Variants in CDK14 observed in about 807,000 individuals in gnomAD.
The protein encoded by CDK14 is cyclin dependent kinase 14.
A neutral mutation model predicts 60.7 loss-of-function variants in CDK14; 34 were observed. The observed-to-expected ratio is 0.56, with a 90% CI of 0.43 to 0.75. The LOEUF is 0.75. CDK14 is among the 30% of genes least tolerant of loss of function. CDK14 has a pLI of 0.00. For missense variants in CDK14, 482 were observed against 564.1 expected (o/e 0.85, Z 1.47); for synonymous variants, 197 against 203.7 (o/e 0.97, Z 0.28).
chr7:91,006,787 C>G (rs886254244), intron 10 of CDK14, among the ~76,000 whole-genome samples: 3 of 152,168 alleles, frequency 2.0e-5, no homozygotes, highest in Admixed American at 6.5e-5. Context: ...CAAAATGATA[C>G]AAACATCGTT....
intron 13 of CDK14, among the ~76,000 whole-genome samples, chr7:91,115,446 C>T (rs1232639067): frequency 6.6e-6 from 1 of 152,096 alleles, no homozygotes; most frequent in African/African-American, 2.4e-5. Context: ...GTTCATCTAA[C>T]CCTAATTACC....
At chr7:90,859,231 T>A (rs1416768285) in intron 5 of CDK14, among the ~76,000 whole-genome samples, 2 of 152,232 alleles carry the variant, frequency 1.3e-5, no homozygotes, top group African/African-American at 4.8e-5. Flanking sequence ...GACTGCCTTC[T>A]TTTGACCAAT....
chr7:90,895,130 A>C (rs1258876993), intron 6 of CDK14, among the ~76,000 whole-genome samples: 1 of 152,132 alleles, frequency 6.6e-6, no homozygotes, highest in Non-Finnish European at 1.5e-5. Context: ...ATTTTTTATT[A>C]AAACAGTCTG....
intron 14 of CDK14, among the ~76,000 whole-genome samples, chr7:91,128,180 T>C (rs1800009667): frequency 6.6e-6 from 1 of 152,192 alleles, no homozygotes; most frequent in South Asian, 2.1e-4. Context: ...ATTGAGACAT[T>C]TTATGAGGCA....
At position 90,638,942 on chromosome 7, in the gene CDK14, A is replaced by G. The variant is rs1322285579; in HGVS notation, c.123+34693A>G. ...TCGCATCGGCTCCTGAGGCTTCTGC[A>G]TTCTTCACGTAGTTCTCGAGCCTTG... On this transcript the variant is annotated intron_variant, in intron 2 of 14. Transcript: ENST00000380050. Among the ~76,000 whole-genome samples, 3 of 151,934 alleles carry G rather than the reference A, an allele frequency of 2.0e-5. No homozygotes were observed. In the South Asian group the frequency reaches 6.2e-4, roughly 32 times the overall value.
chr7:90,879,945 C>G (rs1791690846), intron 6 of CDK14, among the ~76,000 whole-genome samples: 1 of 152,144 alleles, frequency 6.6e-6, no homozygotes. Context: ...GTGCTTTTTC[C>G]ACAGAACTGT....
chr7:90,897,821 C>T (rs1231056439), intron 6 of CDK14, among the ~76,000 whole-genome samples: 1 of 152,006 alleles, frequency 6.6e-6, no homozygotes, highest in Non-Finnish European at 1.5e-5. Context: ...TAAAAGTATT[C>T]CCATCTGTAC....
intron 5 of CDK14, among the ~76,000 whole-genome samples, chr7:90,839,147 G>T (rs572720357): frequency 6.6e-6 from 1 of 152,324 alleles, no homozygotes; most frequent in African/African-American, 2.4e-5. Context: ...ATTGGGGGTG[G>T]TTCCCCTGAT....
At chr7:90,863,694 GTGTT>G in intron 6 of CDK14, among the ~76,000 whole-genome samples, 3 of 151,444 alleles carry the variant, frequency 2.0e-5, no homozygotes, top group South Asian at 2.1e-4. Context: ...GTGTGTGTGT[GTGTT>G]TGTGTGTGTG....
chr7:91,007,499 A>G (rs1464128634), intron 10 of CDK14, among the ~76,000 whole-genome samples: 1 of 152,208 alleles, frequency 6.6e-6, no homozygotes, highest in East Asian at 1.9e-4. Context: ...TCTACACCGT[A>G]TGCATTTCCA....
intron 14 of CDK14, among the ~76,000 whole-genome samples, chr7:91,141,969 G>T (rs1334050786): frequency 1.3e-5 from 2 of 152,038 alleles, no homozygotes; most frequent in Non-Finnish European, 2.9e-5. Context: ...GGGACTACAG[G>T]CGTCCACCGT....
intron 9 of CDK14, among the ~76,000 whole-genome samples, chr7:90,981,209 A>G (rs1164264815): frequency 6.6e-6 from 1 of 152,248 alleles, no homozygotes; most frequent in Non-Finnish European, 1.5e-5. Flanking sequence ...AAGCCACCGT[A>G]CTAAAAATTT....
chr7:90,902,053 T>G (rs1047739258), intron 7 of CDK14, among the ~76,000 whole-genome samples: 1 of 152,064 alleles, frequency 6.6e-6, no homozygotes, highest in African/African-American at 2.4e-5. Flanking sequence ...CCAAGGAAGA[T>G]GAAAGATCTG....
At chr7:91,145,401 G>A (rs1800594938) in intron 14 of CDK14, among the ~76,000 whole-genome samples, 1 of 152,098 alleles carries the variant, frequency 6.6e-6, no homozygotes, top group Non-Finnish European at 1.5e-5. Flanking sequence ...ATGCCACACT[G>A]CACATAAGAA....
At chr7:90,794,779 TTAAAG>T (rs1805985187) in intron 5 of CDK14, among the ~76,000 whole-genome samples, 1 of 152,186 alleles carries the variant, frequency 6.6e-6, no homozygotes, top group Non-Finnish European at 1.5e-5. Context: ...GATTAAGAGA[TTAAAG>T]TAAAGACAGG....
chr7:90,665,415 GT>G (rs1305089892), intron 2 of CDK14, among the ~76,000 whole-genome samples: 2 of 152,202 alleles, frequency 1.3e-5, no homozygotes, highest in East Asian at 3.8e-4. Flanking sequence ...ATAAACAGTT[GT>G]TTTTTGCCCT....
chr7:91,069,488 C>T (rs1403429619), intron 11 of CDK14, among the ~76,000 whole-genome samples: 1 of 152,028 alleles, frequency 6.6e-6, no homozygotes, highest in Non-Finnish European at 1.5e-5. Flanking sequence ...CTACAGTGAG[C>T]TATGATTGTG....
At chr7:91,062,949 T>A (rs1294019217) in intron 11 of CDK14, among the ~76,000 whole-genome samples, 2 of 152,296 alleles carry the variant, frequency 1.3e-5, no homozygotes, top group East Asian at 3.9e-4. Flanking sequence ...AAGAATGTCC[T>A]TCTTACAGTG....
chr7:90,668,701 T>TA (rs1334864598), intron 2 of CDK14, among the ~76,000 whole-genome samples: 1 of 3,776 alleles, frequency 2.6e-4, no homozygotes, highest in South Asian at 5.9e-3. Context: ...CTCGCATTCT[T>TA]TTTTTTTTTT....
Sources: allele counts gnomAD v4.1 joint callset (sites outside exome capture counted in the v4.1 genomes callset), GRCh38; gene constraint gnomAD v4.1.1; transcripts MANE v1.5; gene names NCBI Gene and HGNC (gene_info 2026-07-23, HGNC 2026-07-21).